CDH18: variants seen among roughly 807,000 people sequenced by gnomAD.
The protein encoded by CDH18 is cadherin 18, also known as cadherin-18.
Under a neutral mutation model 67.9 loss-of-function variants are expected in CDH18, and 31 were observed. That is an observed-to-expected ratio of 0.46 (90% CI 0.34 to 0.62). CDH18 has a LOEUF of 0.62. CDH18 is among the 20% of genes least tolerant of loss of function. The pLI is 0.01. For missense variants in CDH18, 890 were observed against 975.5 expected (o/e 0.91, Z 1.17); for synonymous variants, 362 against 347.2 (o/e 1.04, Z -0.48).
rs1228979371 is a variant in CDH18, at chr5:20,105,853, T to C, written c.-517-113839A>G. ...TTGGATGGTTCCCATCTTTTGGCTA[T>C]TGTGAATAAAGTTGCAATGAACATT... On this transcript the variant is annotated intron_variant, in intron 2 of 14. Coordinates refer to the CDH18 transcript ENST00000507958. Among the ~76,000 whole-genome samples the C allele has an allele frequency of 3.3e-5, 5 of 152,204 alleles. No individual in the cohort carries two copies. In the East Asian group the frequency reaches 9.6e-4, roughly 29 times the overall value.
At position 20,565,756 on chromosome 5, in the gene CDH18, T is replaced by TTA. The variant is rs1554020372; in HGVS notation, c.-580+9705_-580+9706insTA. 8.4e-4 allele frequency among the ~76,000 whole-genome samples: 119 copies of TTA among 142,476 alleles called. 1 individual carries two copies. Among genetic ancestry groups the TTA allele is most frequent in the African/African-American group, 3.1e-3 (118 of 38,576 alleles). The allele number at this position is 142,476 out of a possible 152,430, so 93.5% of individuals were successfully genotyped here. On this transcript the variant is annotated intron_variant, in intron 1 of 14. Transcript: ENST00000507958. ...TTGCGTTCCTCCTTGTACGTTATGA[T>TTA]AAAAAAAAAAAAAAAGTTCCAGCAT... is the stretch of plus-strand genomic sequence containing the variant.
chr5:20,237,530 G>T (rs1362715769), intron 2 of CDH18, among the ~76,000 whole-genome samples: 1 of 151,690 alleles, frequency 6.6e-6, no homozygotes, highest in Non-Finnish European at 1.5e-5. Context: ...TATCAACAAA[G>T]ACTCAGAACA....
At chr5:20,144,910 T>G (rs1750522999) in intron 2 of CDH18, among the ~76,000 whole-genome samples, 1 of 152,000 alleles carries the variant, frequency 6.6e-6, no homozygotes, top group African/African-American at 2.4e-5. Context: ...AAGTAGAGAT[T>G]GAGGTGATGC....
At chr5:20,224,520 G>GTTT (rs35344539) in intron 2 of CDH18, among the ~76,000 whole-genome samples, 1,828 of 148,014 alleles carry the variant, frequency 0.012, 29 homozygotes, top group African/African-American at 0.039. Context: ...AAATCCTTAG[G>GTTT]TTTTTTTTTT....
intron 2 of CDH18, among the ~76,000 whole-genome samples, chr5:20,203,649 A>AG (rs1739638595): frequency 6.8e-6 from 1 of 146,786 alleles, no homozygotes; most frequent in South Asian, 2.1e-4. Flanking sequence ...GTATACAATA[A>AG]AAAAAAAAAG....
chr5:20,541,104 C>A (rs1581173060), intron 1 of CDH18, among the ~76,000 whole-genome samples: 2 of 152,200 alleles, frequency 1.3e-5, no homozygotes, highest in South Asian at 4.2e-4. Context: ...AGTGCAAAAG[C>A]AGGAATGAAC....
intron 2 of CDH18, among the ~76,000 whole-genome samples, chr5:20,057,154 A>G (rs150177396): frequency 6.6e-6 from 1 of 152,310 alleles, no homozygotes; most frequent in African/African-American, 2.4e-5. Context: ...GAATTATGTC[A>G]ATCAGGCAAT....
chr5:19,887,927 G>C (rs368993092), intron 2 of CDH18, among the ~76,000 whole-genome samples: 7 of 151,974 alleles, frequency 4.6e-5, no homozygotes, highest in African/African-American at 1.4e-4. Flanking sequence ...TTTTTGAATT[G>C]AATATTCAGT....
chr5:20,109,836 T>C (rs1398187034), intron 2 of CDH18, among the ~76,000 whole-genome samples: 1 of 152,224 alleles, frequency 6.6e-6, no homozygotes, highest in East Asian at 1.9e-4. Flanking sequence ...AATGAAGACA[T>C]TTCTTTAGAA....
At chr5:20,431,862 G>T (rs557616788) in intron 1 of CDH18, among the ~76,000 whole-genome samples, 24 of 152,234 alleles carry the variant, frequency 1.6e-4, no homozygotes, top group African/African-American at 5.8e-4. Flanking sequence ...AAAGCAGTTT[G>T]GTACATAAAG....
chr5:19,553,000 T>C (rs1257586952), intron 8 of CDH18, among the ~76,000 whole-genome samples: 1 of 152,214 alleles, frequency 6.6e-6, no homozygotes, highest in African/African-American at 2.4e-5. Context: ...GATGAAAATT[T>C]ATTATTGAAA....
At chr5:20,242,638 A>ATG (rs1580564105) in intron 2 of CDH18, among the ~76,000 whole-genome samples, 8 of 109,470 alleles carry the variant, frequency 7.3e-5, no homozygotes, top group African/African-American at 3.7e-4. Context: ...ATATATGTAT[A>ATG]TATATATATA....
chr5:20,419,663 G>A (rs1374591207), intron 1 of CDH18, among the ~76,000 whole-genome samples: 2 of 150,004 alleles, frequency 1.3e-5, no homozygotes, highest in Middle Eastern at 6.8e-3. Flanking sequence ...ATTTTTGGTA[G>A]AGACGGGGTT....
chr5:20,362,292 T>C (rs1742149996), intron 1 of CDH18, among the ~76,000 whole-genome samples: 1 of 152,108 alleles, frequency 6.6e-6, no homozygotes, highest in Non-Finnish European at 1.5e-5. Flanking sequence ...AAAATGGGAC[T>C]GGGCTCAATG....
intron 8 of CDH18, among the ~76,000 whole-genome samples, chr5:19,567,190 A>C: frequency 6.6e-6 from 1 of 152,122 alleles, no homozygotes; most frequent in Non-Finnish European, 1.5e-5. Context: ...ACTACACTAG[A>C]TAATAATTTA....
intron 1 of CDH18, among the ~76,000 whole-genome samples, chr5:20,272,034 T>C (rs1239242492): frequency 6.6e-6 from 1 of 151,808 alleles, no homozygotes; most frequent in Non-Finnish European, 1.5e-5. Flanking sequence ...TAAGGAAAAC[T>C]AAAGGGAGGT....
intron 4 of CDH18, among the ~76,000 whole-genome samples, chr5:19,736,653 T>C (rs77818967): frequency 6.6e-6 from 1 of 152,200 alleles, no homozygotes. Flanking sequence ...CTACAAACGT[T>C]GCATATAACA....
intron 1 of CDH18, among the ~76,000 whole-genome samples, chr5:20,274,684 G>C (rs1171118254): frequency 6.6e-6 from 1 of 151,976 alleles, no homozygotes; most frequent in African/African-American, 2.4e-5. Context: ...AGGAAGATAA[G>C]AATATATATA....
intron 1 of CDH18, among the ~76,000 whole-genome samples, chr5:20,489,954 T>G (rs983292030): frequency 3.0e-4 from 46 of 151,744 alleles, no homozygotes; most frequent in Non-Finnish European, 6.3e-4. Context: ...CACTAGATTT[T>G]TATTTACATA....
Sources: allele counts gnomAD v4.1 joint callset (sites outside exome capture counted in the v4.1 genomes callset), GRCh38; gene constraint gnomAD v4.1.1; transcripts MANE v1.5; gene names NCBI Gene and HGNC (gene_info 2026-07-23, HGNC 2026-07-21).